Variants in FGF14 observed in about 807,000 individuals in gnomAD.
FGF14 encodes fibroblast growth factor homologous factor 4.
FGF14 carries 5 observed loss-of-function variants against 25.5 expected under a neutral mutation model. The observed-to-expected ratio is 0.20, with a 90% CI of 0.10 to 0.41. The LOEUF is 0.41. FGF14 is among the 10% of genes least tolerant of loss of function. The pLI is 1.00. For missense variants in FGF14, 222 were observed against 320.1 expected, an observed-to-expected ratio of 0.69 and a Z score of 2.34; for synonymous variants, 138 against 118.3, an observed-to-expected ratio of 1.17 and a Z score of -1.08.
intron 3 of FGF14, among the ~76,000 whole-genome samples, chr13:101,738,952 GTGTGTA>G (rs1305543216): frequency 1.3e-5 from 1 of 74,412 alleles, no homozygotes; most frequent in African/African-American, 3.3e-5. Context: ...GTATGTGTGT[GTGTGTA>G]TATATATATA....
chr13:101,908,871 T>C (rs1019995814), intron 1 of FGF14, among the ~76,000 whole-genome samples: 2 of 152,204 alleles, frequency 1.3e-5, no homozygotes, highest in African/African-American at 4.8e-5. Context: ...CAAAACAGCA[T>C]GGTACTGGTA....
intron 3 of FGF14, among the ~76,000 whole-genome samples, chr13:101,775,552 G>A (rs529552252): frequency 6.6e-6 from 1 of 152,104 alleles, no homozygotes; most frequent in Non-Finnish European, 1.5e-5. Flanking sequence ...GAGTTGCCAA[G>A]TAGCTTTCCC....
chr13:101,851,430 T>C (rs541509554), intron 3 of FGF14, among the ~76,000 whole-genome samples: 1 of 152,166 alleles, frequency 6.6e-6, no homozygotes, highest in East Asian at 1.9e-4. Context: ...AGATGATCCA[T>C]TTCTGTTGGT....
intron 1 of FGF14, among the ~76,000 whole-genome samples, chr13:102,020,012 T>C (rs1366816128): frequency 2.6e-5 from 4 of 152,150 alleles, no homozygotes; most frequent in Admixed American, 6.5e-5. Context: ...CTGCATTGTG[T>C]AACATATTTA....
At chr13:101,957,608 A>T (rs2036590428) in intron 1 of FGF14, among the ~76,000 whole-genome samples, 1 of 152,200 alleles carries the variant, frequency 6.6e-6, no homozygotes, top group Non-Finnish European at 1.5e-5. Context: ...AGTGACTCAT[A>T]TGCATATTAG....
At chr13:102,172,772 T>C (rs1293595023) in intron 1 of FGF14, among the ~76,000 whole-genome samples, 1 of 152,178 alleles carries the variant, frequency 6.6e-6, no homozygotes, top group Non-Finnish European at 1.5e-5. Flanking sequence ...TCAATACTTC[T>C]TGTATTTTTC....
chr13:102,079,055 G>A (rs947283100), intron 1 of FGF14, among the ~76,000 whole-genome samples: 1 of 152,196 alleles, frequency 6.6e-6, no homozygotes, highest in Admixed American at 6.5e-5. Context: ...TGCAGTCAGA[G>A]CTGTCTCTGT....
chr13:102,188,953 A>C (rs1231840171), intron 1 of FGF14, among the ~76,000 whole-genome samples: 1 of 47,848 alleles, frequency 2.1e-5, no homozygotes, highest in Non-Finnish European at 4.0e-5. Flanking sequence ...GGAGAGAAAG[A>C]AAGAAAGAAA....
At chr13:102,113,319 T>C (rs1160764150) in intron 1 of FGF14, among the ~76,000 whole-genome samples, 20 of 152,238 alleles carry the variant, frequency 1.3e-4, no homozygotes, top group Admixed American at 1.3e-3. Context: ...TCTTCATCCC[T>C]TTCTTTTTCT....
At chr13:102,366,229 C>G (rs1490655686) in intron 1 of FGF14, among the ~76,000 whole-genome samples, 17 of 152,068 alleles carry the variant, frequency 1.1e-4, no homozygotes, top group African/African-American at 3.9e-4. Context: ...TCCTGGTACC[C>G]TGGGAAACAC....
At chr13:101,870,733 C>G (rs1405051107) in intron 2 of FGF14, among the ~76,000 whole-genome samples, 1 of 152,126 alleles carries the variant, frequency 6.6e-6, no homozygotes, top group South Asian at 2.1e-4. Context: ...GCGGGTGGAT[C>G]ACCTGAGGTC....
chr13:101,988,888 G>A (rs1432503643), intron 1 of FGF14, among the ~76,000 whole-genome samples: 2 of 151,962 alleles, frequency 1.3e-5, no homozygotes, highest in Non-Finnish European at 2.9e-5. Flanking sequence ...TTTTGTTGTT[G>A]TGGGGTTTCT....
chr13:102,308,416 T>G (rs1374970220), intron 1 of FGF14, among the ~76,000 whole-genome samples: 1 of 152,180 alleles, frequency 6.6e-6, no homozygotes, highest in Admixed American at 6.6e-5. Flanking sequence ...CCAGGGGTAC[T>G]GATTTATACT....
intron 1 of FGF14, among the ~76,000 whole-genome samples, chr13:101,879,230 T>C (rs1447796065): frequency 6.6e-6 from 1 of 152,200 alleles, no homozygotes; most frequent in African/African-American, 2.4e-5. Context: ...TTTTATTTTC[T>C]ATTTAGTGTG....
At chr13:101,986,098 T>G (rs1334101470) in intron 1 of FGF14, among the ~76,000 whole-genome samples, 2 of 152,176 alleles carry the variant, frequency 1.3e-5, no homozygotes, top group East Asian at 3.9e-4. Context: ...AGGATGCTTA[T>G]TTGTTTGTTT....
intron 1 of FGF14, among the ~76,000 whole-genome samples, chr13:102,156,582 T>A (rs1299529032): frequency 1.3e-5 from 2 of 152,220 alleles, no homozygotes; most frequent in Non-Finnish European, 1.5e-5. Context: ...CTGGAAGCAT[T>A]CCCTTTGAAA....
At chr13:101,795,520 T>C (rs1594276738) in intron 3 of FGF14, among the ~76,000 whole-genome samples, 1 of 152,096 alleles carries the variant, frequency 6.6e-6, no homozygotes, top group East Asian at 1.9e-4. Flanking sequence ...AGCTTTTCCA[T>C]ACCCCTGACT....
chr13:101,907,264 CAACT>C (rs2032358744), intron 1 of FGF14, among the ~76,000 whole-genome samples: 1 of 152,052 alleles, frequency 6.6e-6, no homozygotes, highest in Admixed American at 6.6e-5. Context: ...ACCCGAATAC[CAACT>C]GAGTACTATT....
At chr13:102,315,492 A>AT (rs2055978160) in intron 1 of FGF14, among the ~76,000 whole-genome samples, 1 of 152,220 alleles carries the variant, frequency 6.6e-6, no homozygotes, top group African/African-American at 2.4e-5. Flanking sequence ...GAGAGCCAGC[A>AT]TTATGAACCA....
Sources: allele counts gnomAD v4.1 joint callset (sites outside exome capture counted in the v4.1 genomes callset), GRCh38; gene constraint gnomAD v4.1.1; transcripts MANE v1.5; gene names NCBI Gene and HGNC (gene_info 2026-07-23, HGNC 2026-07-21).